The following NELL1 variants were observed in gnomAD, a reference collection of about 807,000 sequenced individuals.
NELL1 encodes the protein protein kinase C-binding protein NELL1.
In NELL1, 76 loss-of-function variants were observed where a neutral mutation model predicts 107.4. The ratio of observed to expected loss-of-function variants is 0.71; its 90% CI spans 0.59 to 0.86. The LOEUF (loss-of-function observed/expected upper bound fraction) is 0.86, where lower values mean the gene tolerates loss of function less well. Among genes scored for constraint, NELL1 ranks in the 40% least tolerant of loss-of-function variants. The pLI, the probability that NELL1 is intolerant of heterozygous loss-of-function variation, is 0.00. For missense variants in NELL1, 1,024 were observed against 1,005.5 expected, an observed-to-expected ratio of 1.02 and a Z score of -0.25; for synonymous variants, 353 against 341.2, an observed-to-expected ratio of 1.03 and a Z score of -0.38.
At chr11:21,035,412 C>A (rs1430421794) in intron 12 of NELL1, among the ~76,000 whole-genome samples, 1 of 147,842 alleles carries the variant, frequency 6.8e-6, no homozygotes, top group African/African-American at 2.5e-5. Context: ...CTGGTAGAGA[C>A]ACAACAAAAA....
chr11:21,257,854 A>G (rs187147078), intron 14 of NELL1, among the ~76,000 whole-genome samples: 30 of 152,132 alleles, frequency 2.0e-4, no homozygotes, highest in Non-Finnish European at 2.5e-4. Context: ...ACAACTGTTC[A>G]TCTGCCACCA....
At chr11:21,407,306 C>T (rs1028820707) in intron 15 of NELL1, among the ~76,000 whole-genome samples, 2 of 151,998 alleles carry the variant, frequency 1.3e-5, no homozygotes, top group African/African-American at 4.8e-5. Context: ...GTCCTAACTA[C>T]TCAGGAGGCT....
Position 21,327,162 on chromosome 11 carries a change from GTTTT to G in NELL1, c.1550-43678_1550-43675del, listed in dbSNP as rs369129791. ...ACAGTGAGTTCTCATGAGATCTGAT[GTTTT>G]TTTTTTTTTTTTGTGGGGGGGACTG... On this transcript the variant is annotated intron_variant, in intron 14 of 19. Transcript: ENST00000357134. 6.2e-5 allele frequency among the ~76,000 whole-genome samples: 6 copies of G among 96,952 alleles called. No homozygotes were observed. In the East Asian group the frequency reaches 1.2e-3, roughly 20 times the overall value. 63.6% of individuals were successfully genotyped at this position (96,952 alleles called of 152,430 possible).
intron 12 of NELL1, among the ~76,000 whole-genome samples, chr11:21,062,792 ATAGTT>A (rs1334530263): frequency 6.6e-6 from 1 of 151,938 alleles, no homozygotes; most frequent in Non-Finnish European, 1.5e-5. Context: ...AGTTATGATT[ATAGTT>A]TTCCTTTTTT....
rs1386523443 is a variant in NELL1, at chr11:20,881,902, A to G, written c.507-3542A>G. ...AGTGTCATACACATTGCAGGCAATC[A>G]GCTATTTGCTGATGTGAAGGAAACC... On this transcript the variant is annotated intron_variant, in intron 4 of 19. Coordinates refer to ENST00000357134, the MANE Select transcript of NELL1 (RefSeq NM_006157.5). Among the ~76,000 whole-genome samples, 5 of 152,338 alleles carry G rather than the reference A, an allele frequency of 3.3e-5. No homozygotes were observed. In the East Asian group the frequency reaches 9.6e-4, roughly 29 times the overall value.
intron 12 of NELL1, among the ~76,000 whole-genome samples, chr11:21,069,135 C>A (rs1056726285): frequency 2.0e-5 from 3 of 152,042 alleles, no homozygotes; most frequent in Non-Finnish European, 4.4e-5. Flanking sequence ...GAACAGAAGG[C>A]CTTAGAATTT....
At chr11:20,672,970 G>GC (rs10592573) in intron 1 of NELL1, among the ~76,000 whole-genome samples, 9 of 100,866 alleles carry the variant, frequency 8.9e-5, no homozygotes, top group South Asian at 2.5e-4. Context: ...TCCTGCCTCA[G>GC]CCCCCCCCCC....
intron 10 of NELL1, among the ~76,000 whole-genome samples, chr11:20,941,566 A>G (rs888041841): frequency 2.0e-5 from 3 of 152,140 alleles, no homozygotes; most frequent in African/African-American, 7.2e-5. Flanking sequence ...CCACTGCAAC[A>G]TAACGGAAGA....
At chr11:21,159,911 A>G (rs764234044) in intron 13 of NELL1, among the ~76,000 whole-genome samples, 1 of 152,082 alleles carries the variant, frequency 6.6e-6, no homozygotes, top group South Asian at 2.1e-4. Context: ...CATCTGTTCT[A>G]TTTAGCTGTG....
intron 13 of NELL1, among the ~76,000 whole-genome samples, chr11:21,222,963 A>G (rs1273021152): frequency 6.6e-6 from 1 of 152,204 alleles, no homozygotes; most frequent in Non-Finnish European, 1.5e-5. Flanking sequence ...GATCTAACAT[A>G]TGTTCTATCC....
Position 21,353,626 on chromosome 11 carries a change from G to C in NELL1, c.1550-17227G>C, listed in dbSNP as rs1439614645. On this transcript the variant is annotated intron_variant, in intron 14 of 19. Transcript: ENST00000357134. ...TCGCTGGGCTCCAGTGCCAGCGGCT[G>C]TGTGCAGCATGAAAGCAGCTATTAA... Among the ~76,000 whole-genome samples the C allele has an allele frequency of 2.6e-5, 4 of 152,170 alleles. 1 individual carries two copies. Among genetic ancestry groups the C allele is most frequent in the South Asian group, 4.1e-4 (2 of 4,824 alleles).
intron 15 of NELL1, among the ~76,000 whole-genome samples, chr11:21,404,722 A>G (rs1852193083): frequency 6.6e-6 from 1 of 152,002 alleles, no homozygotes; most frequent in Non-Finnish European, 1.5e-5. Flanking sequence ...ACATGTAACT[A>G]ATATGGTCCA....
intron 12 of NELL1, among the ~76,000 whole-genome samples, chr11:21,108,870 C>T (rs1033457713): frequency 3.9e-5 from 6 of 152,088 alleles, no homozygotes; most frequent in African/African-American, 4.8e-5. Flanking sequence ...GCCTTGCACA[C>T]GGATATAGAA....
chr11:21,220,513 T>C (rs970106785), intron 13 of NELL1, among the ~76,000 whole-genome samples: 2 of 152,204 alleles, frequency 1.3e-5, no homozygotes, highest in African/African-American at 4.8e-5. Context: ...GAACATGGAA[T>C]AGTTTTACAT....
At chr11:20,734,689 A>T (rs997376102) in intron 2 of NELL1, among the ~76,000 whole-genome samples, 4 of 152,214 alleles carry the variant, frequency 2.6e-5, no homozygotes, top group Non-Finnish European at 5.9e-5. Flanking sequence ...AGATGTCCAC[A>T]GGGAGATGTC....
At chr11:20,841,584 G>A (rs984922526) in intron 3 of NELL1, among the ~76,000 whole-genome samples, 6 of 152,080 alleles carry the variant, frequency 3.9e-5, no homozygotes, top group African/African-American at 1.4e-4. Context: ...TAGGAATTTA[G>A]ACCTGAGCTG....
intron 2 of NELL1, among the ~76,000 whole-genome samples, chr11:20,716,385 T>C (rs1196616497): frequency 6.6e-6 from 1 of 152,264 alleles, no homozygotes; most frequent in Non-Finnish European, 1.5e-5. Flanking sequence ...GCAACAACCC[T>C]GTAGCTGTCT....
At chr11:21,340,942 T>C (rs898448876) in intron 14 of NELL1, among the ~76,000 whole-genome samples, 5 of 152,168 alleles carry the variant, frequency 3.3e-5, no homozygotes, top group Non-Finnish European at 1.5e-5. Context: ...TACCTATTTC[T>C]CTACCATACT....
At chr11:20,711,052 T>C (rs1241922341) in intron 2 of NELL1, among the ~76,000 whole-genome samples, 1 of 152,144 alleles carries the variant, frequency 6.6e-6, no homozygotes, top group Non-Finnish European at 1.5e-5. Context: ...TTGTTATTTA[T>C]TTTCTTTTTC....
Sources: allele counts gnomAD v4.1 joint callset (sites outside exome capture counted in the v4.1 genomes callset), GRCh38; gene constraint gnomAD v4.1.1; transcripts MANE v1.5; gene names NCBI Gene and HGNC (gene_info 2026-07-23, HGNC 2026-07-21).